Variants in GRIP1 observed in about 807,000 individuals in gnomAD.
The protein encoded by GRIP1 is glutamate receptor-interacting protein 1.
GRIP1 carries 45 observed loss-of-function variants against 129.9 expected under a neutral mutation model. That is an observed-to-expected ratio of 0.35 (90% CI 0.27 to 0.44). The LOEUF is 0.44. GRIP1 is among the 20% of genes least tolerant of loss of function. GRIP1 has a pLI of 1.00. For synonymous variants in GRIP1, 530 were observed against 520.8 expected (o/e 1.02, Z -0.24); for missense variants, 1,196 against 1,396.8 (o/e 0.86, Z 2.29).
intron 23 of GRIP1, among the ~76,000 whole-genome samples, chr12:66,356,203 G>A (rs909795040): frequency 6.6e-6 from 1 of 152,216 alleles, no homozygotes; most frequent in Non-Finnish European, 1.5e-5. Context: ...TGTGGATGTT[G>A]AGTGAGCAGT....
At chr12:67,007,109 C>T (rs181472169) in intron 1 of GRIP1, among the ~76,000 whole-genome samples, 273 of 152,264 alleles carry the variant, frequency 1.8e-3, no homozygotes, top group Middle Eastern at 3.4e-3. Context: ...AGTCTAAATG[C>T]TAACAACTTT....
At chr12:66,899,925 G>T (rs2040818086) in intron 1 of GRIP1, among the ~76,000 whole-genome samples, 1 of 151,936 alleles carries the variant, frequency 6.6e-6, no homozygotes, top group Admixed American at 6.6e-5. Context: ...TTTTCAGGCA[G>T]GCACTTCCTG....
At chr12:66,626,232 T>G (rs10748056) in intron 1 of GRIP1, among the ~76,000 whole-genome samples, 1 of 151,396 alleles carries the variant, frequency 6.6e-6, no homozygotes, top group Non-Finnish European at 1.5e-5. Context: ...CCCAGCTACT[T>G]GGGAGGCTGA....
intron 1 of GRIP1, among the ~76,000 whole-genome samples, chr12:66,814,835 A>AAGAAGAAGC (rs1555241671): frequency 6.6e-6 from 1 of 151,388 alleles, no homozygotes; most frequent in African/African-American, 2.4e-5. Flanking sequence ...GCAAAAGGCA[A>AAGAAGAAGC]AGGGACCTTC....
intron 1 of GRIP1, among the ~76,000 whole-genome samples, chr12:66,972,549 C>A (rs571542902): frequency 6.6e-6 from 1 of 152,138 alleles, no homozygotes; most frequent in African/African-American, 2.4e-5. Flanking sequence ...ATTTAATTTT[C>A]ATTTAAATAG....
At chr12:66,825,525 A>G (rs1025780105) in intron 1 of GRIP1, among the ~76,000 whole-genome samples, 1 of 152,186 alleles carries the variant, frequency 6.6e-6, no homozygotes, top group African/African-American at 2.4e-5. Flanking sequence ...ACTTTGCCCA[A>G]TGACTATATC....
chr12:66,767,813 G>A (rs2037692637), intron 1 of GRIP1, among the ~76,000 whole-genome samples: 1 of 152,172 alleles, frequency 6.6e-6, no homozygotes, highest in African/African-American at 2.4e-5. Flanking sequence ...ACATGTTTTG[G>A]TGCCATAGTA....
At chr12:66,551,488 T>C (rs1425195633) in intron 2 of GRIP1, among the ~76,000 whole-genome samples, 2 of 152,180 alleles carry the variant, frequency 1.3e-5, no homozygotes, top group East Asian at 3.8e-4. Context: ...ATACCAAGTA[T>C]TGCTTAGCAA....
chr12:66,798,325 T>C (rs1456205438), intron 1 of GRIP1, among the ~76,000 whole-genome samples: 2 of 152,180 alleles, frequency 1.3e-5, no homozygotes, highest in East Asian at 3.8e-4. Context: ...GAAAGAGTAA[T>C]GTGAATAAAA....
chr12:66,854,652 G>A (rs1041926701), intron 1 of GRIP1, among the ~76,000 whole-genome samples: 1 of 152,034 alleles, frequency 6.6e-6, no homozygotes, highest in Non-Finnish European at 1.5e-5. Flanking sequence ...CAGTTGGTAA[G>A]TATAATAGTA....
chr12:66,552,021 G>C (rs2062157620), intron 2 of GRIP1, among the ~76,000 whole-genome samples: 1 of 152,188 alleles, frequency 6.6e-6, no homozygotes, highest in Non-Finnish European at 1.5e-5. Context: ...TAAAAAGAAA[G>C]AACACTCTGG....
intron 1 of GRIP1, among the ~76,000 whole-genome samples, chr12:66,822,885 A>C (rs867991746): frequency 6.6e-6 from 1 of 152,184 alleles, no homozygotes; most frequent in East Asian, 1.9e-4. Context: ...TACTATCCTC[A>C]TACCTGGCTG....
chr12:66,884,609 A>T (rs1452122101), intron 1 of GRIP1, among the ~76,000 whole-genome samples: 2 of 152,222 alleles, frequency 1.3e-5, no homozygotes, highest in South Asian at 4.1e-4. Flanking sequence ...CAAAAGCCTT[A>T]ACAGAAAAAA....
At chr12:66,983,742 AT>A (rs1353647008) in intron 1 of GRIP1, among the ~76,000 whole-genome samples, 1 of 152,224 alleles carries the variant, frequency 6.6e-6, no homozygotes, top group African/African-American at 2.4e-5. Context: ...CATACACTTC[AT>A]CAGCCAGTAT....
chr12:66,617,929 C>T (rs1348474099), intron 1 of GRIP1, among the ~76,000 whole-genome samples: 1 of 151,884 alleles, frequency 6.6e-6, no homozygotes, highest in African/African-American at 2.4e-5. Flanking sequence ...GGAATATGAT[C>T]TGATATAACC....
intron 2 of GRIP1, among the ~76,000 whole-genome samples, chr12:66,542,390 G>A (rs535273077): frequency 9.2e-5 from 14 of 152,270 alleles, no homozygotes; most frequent in Admixed American, 3.3e-4. Flanking sequence ...CTCAGGTTAG[G>A]AAGCCAACTG....
chr12:66,417,443 G>A (rs972049150), intron 15 of GRIP1, among the ~76,000 whole-genome samples: 5 of 152,110 alleles, frequency 3.3e-5, no homozygotes, highest in Non-Finnish European at 7.4e-5. Flanking sequence ...CCTAGCTAGA[G>A]CAATCCCACA....
intron 6 of GRIP1, 72 bp from the exon 7 acceptor site, chr12:66,515,836 C>G: frequency 1.5e-6 from 2 of 1,331,944 alleles, no homozygotes; most frequent in Non-Finnish European, 1.1e-6. Flanking sequence ...GTCACTTTAG[C>G]CAAATTCGTT....
intron 7 of GRIP1, among the ~76,000 whole-genome samples, chr12:66,491,814 A>G (rs979342686): frequency 1.3e-5 from 2 of 152,208 alleles, no homozygotes; most frequent in African/African-American, 4.8e-5. Context: ...AAGGCAAAAA[A>G]TTATTTGCCC....
Sources: gnomAD v4.1 joint callset for allele counts (sites outside exome capture counted in the v4.1 genomes callset) on GRCh38, gnomAD v4.1.1 for gene constraint, MANE v1.5 for transcripts, NCBI Gene and HGNC (gene_info 2026-07-23, HGNC 2026-07-21) for gene names.